The following PLXDC2 variants were observed in gnomAD, a reference collection of about 807,000 sequenced individuals.
The protein encoded by PLXDC2 is plexin domain containing 2.
A neutral mutation model predicts 68.9 loss-of-function variants in PLXDC2; 40 were observed. That is an observed-to-expected ratio of 0.58 (90% CI 0.45 to 0.76). The LOEUF (loss-of-function observed/expected upper bound fraction) is 0.76. PLXDC2 is among the 30% of genes least tolerant of loss of function. The pLI is 0.00. For synonymous variants in PLXDC2, 243 were observed against 234.2 expected, an observed-to-expected ratio of 1.04 and a Z score of -0.34; for missense variants, 644 against 661.9, an observed-to-expected ratio of 0.97 and a Z score of 0.30.
At chr10:20,250,525 G>A (rs1028709180) in intron 13 of PLXDC2, among the ~76,000 whole-genome samples, 13 of 152,120 alleles carry the variant, frequency 8.5e-5, no homozygotes, top group Non-Finnish European at 1.5e-4. Flanking sequence ...TCTCATAGAC[G>A]AGGAGGCTGA....
At chr10:19,966,370 A>AAAAATATATATGGGCACATATAT (rs1834253857) in intron 1 of PLXDC2, among the ~76,000 whole-genome samples, 3 of 133,476 alleles carry the variant, frequency 2.2e-5, no homozygotes, top group Admixed American at 7.4e-5. Context: ...CACATATATA[A>AAAAATATATATGGGCACATATAT]AAAATATATA....
intron 1 of PLXDC2, among the ~76,000 whole-genome samples, chr10:19,847,383 A>T (rs1236048321): frequency 6.6e-6 from 1 of 152,212 alleles, no homozygotes; most frequent in South Asian, 2.1e-4. Context: ...TGGTTTGTGC[A>T]GGTCTGCAGA....
chr10:20,247,140 C>T (rs2119339030), intron 13 of PLXDC2, among the ~76,000 whole-genome samples: 1 of 151,992 alleles, frequency 6.6e-6, no homozygotes, highest in African/African-American at 2.4e-5. Context: ...GTCACAAAGA[C>T]ATTGCTCATT....
intron 1 of PLXDC2, among the ~76,000 whole-genome samples, chr10:19,882,787 A>T (rs1199177395): frequency 6.6e-6 from 1 of 152,198 alleles, no homozygotes; most frequent in Non-Finnish European, 1.5e-5. Context: ...GCCAGCGAAG[A>T]TTATGCCTTG....
intron 1 of PLXDC2, among the ~76,000 whole-genome samples, chr10:19,885,049 C>A (rs1476580764): frequency 1.3e-5 from 2 of 152,152 alleles, no homozygotes; most frequent in Non-Finnish European, 1.5e-5. Context: ...GCCATTGTAA[C>A]TGGTGTGAGA....
intron 13 of PLXDC2, among the ~76,000 whole-genome samples, chr10:20,266,602 A>C (rs923382034): frequency 3.3e-5 from 5 of 152,196 alleles, no homozygotes; most frequent in African/African-American, 1.2e-4. Flanking sequence ...ATGGTGTTTC[A>C]GTGAGAAAAG....
chr10:20,238,161 T>C (rs1835458812), intron 12 of PLXDC2, among the ~76,000 whole-genome samples: 1 of 149,656 alleles, frequency 6.7e-6, no homozygotes, highest in African/African-American at 2.4e-5. Context: ...TATATATATG[T>C]ATATACATAT....
rs773018078 is a variant in PLXDC2, at chr10:20,022,688, G to A, written c.324+20702G>A. Among the ~76,000 whole-genome samples, 27 of 152,170 alleles carry A rather than the reference G, an allele frequency of 1.8e-4. 1 individual carries two copies. The highest frequency in any genetic ancestry group is 1.7e-3 in the South Asian group (8 of 4,814). On this transcript the variant is annotated intron_variant, in intron 2 of 13. Coordinates refer to ENST00000377252, the MANE Select transcript of PLXDC2 (RefSeq NM_032812.9). ...CTTTTGCTTGCACGATAGCCTCCTC[G>A]CCTCCTGTGGGTAACCAGAATGAGC...
At chr10:19,858,668 T>C (rs1306834527) in intron 1 of PLXDC2, among the ~76,000 whole-genome samples, 1 of 152,046 alleles carries the variant, frequency 6.6e-6, no homozygotes, top group Non-Finnish European at 1.5e-5. Flanking sequence ...GGGGAGAGTC[T>C]GGGAGAAGAA....
intron 1 of PLXDC2, among the ~76,000 whole-genome samples, chr10:19,879,563 C>T (rs1002990253): frequency 6.6e-6 from 1 of 152,130 alleles, no homozygotes; most frequent in South Asian, 2.1e-4. Context: ...ATATATTAGA[C>T]ATAGGTACAT....
intron 4 of PLXDC2, among the ~76,000 whole-genome samples, chr10:20,106,515 C>A (rs1011892619): frequency 6.6e-6 from 1 of 152,136 alleles, no homozygotes; most frequent in Non-Finnish European, 1.5e-5. Flanking sequence ...TAGCTTGCTC[C>A]CCTCTAACCC....
At chr10:20,106,610 T>G (rs779567388) in intron 4 of PLXDC2, among the ~76,000 whole-genome samples, 35 of 152,148 alleles carry the variant, frequency 2.3e-4, no homozygotes, top group Non-Finnish European at 4.6e-4. Context: ...ATAGGACCTT[T>G]CAGTCTCTCA....
At chr10:19,906,756 C>T (rs544061970) in intron 1 of PLXDC2, among the ~76,000 whole-genome samples, 8 of 152,088 alleles carry the variant, frequency 5.3e-5, no homozygotes, top group Non-Finnish European at 1.0e-4. Context: ...ATGCTGTGTA[C>T]GTGTGTGTGT....
At chr10:20,210,084 A>T (rs756867350) in intron 9 of PLXDC2, among the ~76,000 whole-genome samples, 8 of 152,162 alleles carry the variant, frequency 5.3e-5, no homozygotes, top group Non-Finnish European at 8.8e-5. Flanking sequence ...AAATTAAAGT[A>T]AGATGTATTC....
intron 1 of PLXDC2, among the ~76,000 whole-genome samples, chr10:19,912,384 C>G (rs1429483615): frequency 7.9e-5 from 12 of 152,130 alleles, no homozygotes; most frequent in Non-Finnish European, 1.8e-4. Context: ...AACTGTTTAA[C>G]AAAATGAGCT....
At position 19,849,081 on chromosome 10, in the gene PLXDC2, T is replaced by C. The variant is rs1589499205; in HGVS notation, c.112+31890T>C. 2.0e-5 allele frequency among the ~76,000 whole-genome samples: 3 copies of C among 152,290 alleles called. No homozygotes were observed. In the South Asian group the frequency reaches 6.2e-4, roughly 32 times the overall value. Reference sequence around the variant, plus strand: ...AATGCCCTTGTTTTTTATTTAATCATAGGGATTTGTGGAATTTATACAAGT... The same window carrying C: ...AATGCCCTTGTTTTTTATTTAATCACAGGGATTTGTGGAATTTATACAAGT... On this transcript the variant is annotated intron_variant, in intron 1 of 13. Transcript: ENST00000377252.
At chr10:19,991,731 A>G (rs1834754063) in intron 1 of PLXDC2, among the ~76,000 whole-genome samples, 1 of 152,220 alleles carries the variant, frequency 6.6e-6, no homozygotes, top group Admixed American at 6.5e-5. Context: ...TCTATCAGAC[A>G]TCTGGCAGCC....
intron 2 of PLXDC2, among the ~76,000 whole-genome samples, chr10:20,042,575 A>G (rs949014684): frequency 8.7e-6 from 1 of 115,580 alleles, no homozygotes; most frequent in Non-Finnish European, 1.8e-5. Flanking sequence ...GTCATACAAT[A>G]TTTATTTGAT....
At chr10:20,021,678 A>T (rs868527233) in intron 2 of PLXDC2, among the ~76,000 whole-genome samples, 2 of 148,396 alleles carry the variant, frequency 1.3e-5, no homozygotes, top group African/African-American at 2.5e-5. Context: ...ATTTTTTTTT[A>T]TTATTTATTT....
Sources: allele counts gnomAD v4.1 joint callset (sites outside exome capture counted in the v4.1 genomes callset), GRCh38; gene constraint gnomAD v4.1.1; transcripts MANE v1.5; gene names NCBI Gene and HGNC (gene_info 2026-07-23, HGNC 2026-07-21).